ARL15: variants seen among roughly 807,000 people sequenced by gnomAD.
The protein encoded by ARL15 is ADP-ribosylation factor-like protein 15.
A neutral mutation model predicts 25.2 loss-of-function variants in ARL15; 19 were observed. That is an observed-to-expected ratio of 0.75 (90% CI 0.53 to 1.10). The LOEUF (loss-of-function observed/expected upper bound fraction) is 1.10, where lower values mean the gene tolerates loss of function less well. Among genes scored for constraint, ARL15 ranks in the 50% least tolerant of loss-of-function variants. ARL15 has a pLI of 0.00. For missense variants in ARL15, 220 were observed against 246.0 expected (o/e 0.89, Z 0.71); for synonymous variants, 94 against 86.8 (o/e 1.08, Z -0.46).
intron 3 of ARL15, among the ~76,000 whole-genome samples, chr5:54,139,252 T>G (rs985863970): frequency 1.3e-5 from 2 of 152,114 alleles, no homozygotes; most frequent in African/African-American, 2.4e-5. Flanking sequence ...TGCAAAGATA[T>G]GGAACCAACA....
chr5:53,957,767 T>C (rs1443197228), intron 4 of ARL15, among the ~76,000 whole-genome samples: 1 of 152,150 alleles, frequency 6.6e-6, no homozygotes, highest in Non-Finnish European at 1.5e-5. Context: ...AAGGCTGCAA[T>C]GAGCCATGAT....
At chr5:54,114,589 G>A (rs1465170020) in intron 3 of ARL15, among the ~76,000 whole-genome samples, 1 of 152,066 alleles carries the variant, frequency 6.6e-6, no homozygotes, top group African/African-American at 2.4e-5. Context: ...ACAAATTTGA[G>A]ACTAGAACAA....
intron 3 of ARL15, among the ~76,000 whole-genome samples, chr5:54,113,662 A>T (rs1752809456): frequency 6.6e-6 from 1 of 152,248 alleles, no homozygotes; most frequent in South Asian, 2.1e-4. Context: ...AATGACTTTT[A>T]TATAAAAATG....
intron 4 of ARL15, chr5:53,912,005 G>A (rs1745478241): frequency 6.6e-6 from 1 of 150,648 alleles, no homozygotes; most frequent in Non-Finnish European, 1.5e-5. Flanking sequence ...ACCTTACCAT[G>A]TGTCAGACTT....
intron 4 of ARL15, among the ~76,000 whole-genome samples, chr5:54,047,547 G>A (rs992802385): frequency 6.6e-5 from 10 of 152,172 alleles, no homozygotes; most frequent in African/African-American, 2.4e-4. Flanking sequence ...CTAGGGCATC[G>A]CTGTGGCCCG....
chr5:53,922,640 T>G (rs1745891657), intron 4 of ARL15, among the ~76,000 whole-genome samples: 1 of 152,034 alleles, frequency 6.6e-6, no homozygotes, highest in African/African-American at 2.4e-5. Context: ...GCCCAAGAGG[T>G]CCCAGCGGGG....
intron 4 of ARL15, among the ~76,000 whole-genome samples, chr5:53,908,645 T>C (rs1745351858): frequency 6.6e-6 from 1 of 152,288 alleles, no homozygotes; most frequent in East Asian, 1.9e-4. Context: ...TTGGAATGTA[T>C]CCTCCGTCAA....
intron 1 of ARL15, among the ~76,000 whole-genome samples, chr5:54,274,533 C>T (rs1345981583): frequency 6.6e-6 from 1 of 152,096 alleles, no homozygotes; most frequent in Non-Finnish European, 1.5e-5. Flanking sequence ...ATTCCCCTGC[C>T]AGAAAGGTGG....
intron 4 of ARL15, among the ~76,000 whole-genome samples, chr5:54,010,078 A>G (rs1749184017): frequency 6.6e-6 from 1 of 152,208 alleles, no homozygotes; most frequent in Admixed American, 6.5e-5. Context: ...AGCGATTTGC[A>G]TTCTTTTAGC....
At chr5:54,121,701 G>A (rs528122465) in intron 3 of ARL15, among the ~76,000 whole-genome samples, 4 of 152,220 alleles carry the variant, frequency 2.6e-5, no homozygotes, top group Admixed American at 1.3e-4. Context: ...ATGGTAGAGT[G>A]ATGAACAGCA....
At chr5:54,297,944 G>A (rs965360682) in intron 1 of ARL15, among the ~76,000 whole-genome samples, 19 of 152,198 alleles carry the variant, frequency 1.2e-4, no homozygotes, top group South Asian at 6.2e-4. Flanking sequence ...TGCCACGCCC[G>A]GCTAATTTTT....
intron 1 of ARL15, among the ~76,000 whole-genome samples, chr5:54,217,692 C>T (rs1756249406): frequency 1.3e-5 from 2 of 152,046 alleles, no homozygotes; most frequent in South Asian, 4.1e-4. Context: ...TCAGATGATT[C>T]ACCGTAACGA....
At chr5:54,085,288 A>T (rs2112123696) in intron 4 of ARL15, among the ~76,000 whole-genome samples, 1 of 152,342 alleles carries the variant, frequency 6.6e-6, no homozygotes, top group East Asian at 1.9e-4. Context: ...CAGGTCTTAT[A>T]AGTCTATTTA....
intron 4 of ARL15, among the ~76,000 whole-genome samples, chr5:54,010,652 G>T (rs993392449): frequency 6.6e-6 from 1 of 152,098 alleles, no homozygotes; most frequent in Non-Finnish European, 1.5e-5. Flanking sequence ...GGTTTCTGAA[G>T]AAATTATCGC....
chr5:54,282,613 T>C (rs1473546556), intron 1 of ARL15: 4 of 966,968 alleles, frequency 4.1e-6, no homozygotes, highest in Non-Finnish European at 4.9e-6. Flanking sequence ...TGGTTTAATT[T>C]TACTTCTTTC....
intron 2 of ARL15, among the ~76,000 whole-genome samples, chr5:54,159,120 C>T (rs182773898): frequency 2.0e-5 from 3 of 152,300 alleles, no homozygotes; most frequent in Non-Finnish European, 4.4e-5. Flanking sequence ...AATTCATTGT[C>T]CTCCTGTTTA....
chr5:53,908,215 A>G (rs1255888088), intron 4 of ARL15, among the ~76,000 whole-genome samples: 1 of 152,184 alleles, frequency 6.6e-6, no homozygotes, highest in Admixed American at 6.5e-5. Context: ...TAATTTATAA[A>G]TTAAACTTTA....
chr5:54,281,685 G>A (rs1758066453), intron 1 of ARL15, among the ~76,000 whole-genome samples: 1 of 152,160 alleles, frequency 6.6e-6, no homozygotes, highest in Admixed American at 6.5e-5. Context: ...TACTGCCCTA[G>A]AGGTAATCAC....
intron 4 of ARL15, among the ~76,000 whole-genome samples, chr5:53,963,534 G>A (rs56016819): frequency 0.31 from 47,678 of 151,972 alleles, 7,817 homozygotes; most frequent in Middle Eastern, 0.37. Flanking sequence ...ATGGCTGGGC[G>A]CAGTGGCTCA....
Sources: gnomAD v4.1 joint callset for allele counts (sites outside exome capture counted in the v4.1 genomes callset) on GRCh38, gnomAD v4.1.1 for gene constraint, MANE v1.5 for transcripts, NCBI Gene and HGNC (gene_info 2026-07-23, HGNC 2026-07-21) for gene names.